TTF2: variants seen among roughly 807,000 people sequenced by gnomAD.
The protein encoded by TTF2 is transcription termination factor 2, also known as RNA polymerase II termination factor.
A neutral mutation model predicts 142.4 loss-of-function variants in TTF2; 108 were observed. That is an observed-to-expected ratio of 0.76 (90% CI 0.65 to 0.89). The LOEUF is 0.89. TTF2 is among the 40% of genes least tolerant of loss of function. The pLI is 0.00. For missense variants in TTF2, 1,327 were observed against 1,379.8 expected (o/e 0.96, Z 0.61); for synonymous variants, 483 against 506.2 (o/e 0.95, Z 0.61).
At position 117,090,074 on chromosome 1, in the gene TTF2, T is replaced by G. The variant is rs1648432575; in HGVS notation, c.2362T>G (p.Phe788Val). The G allele has an allele frequency of 6.2e-7, 1 of 1,613,742 alleles. No individual in the cohort carries two copies. Among genetic ancestry groups the G allele is most frequent in the Admixed American group, 1.7e-5 (1 of 59,988 alleles). The change falls in exon 14 of 23, where the codon TTT becomes GTT. Residue 788 changes from phenylalanine to valine, a missense_variant. Transcript: ENST00000369466. The surrounding 1 kb of genome is among the most constrained non-coding windows in gnomAD (Gnocchi z 4.8). ...SLLKFLRCSP[F>V]DEFNLWRSQV... The stretch of plus-strand genomic sequence containing the variant: ...AAAAAGGTTTCTCCGTTGCTCTCCA[T>G]TTGATGAGTTCAATCTGTGGAGGAG...
chr1:117,079,635 AAGGAGGAATT>A lies in TTF2; in HGVS notation c.1770_1779del (p.Gln590HisfsTer8). On this transcript the variant is annotated frameshift_variant, in exon 9 of 23. Coordinates refer to ENST00000369466, the MANE Select transcript of TTF2 (RefSeq NM_003594.4). LOFTEE classifies it high-confidence loss of function. This position sits in a 1 kb window ranked among gnomAD's most constrained non-coding sequence, Gnocchi z 4.2. ...CTATGGCGAGAAAGTCAGAAGCCAC[AAGGAGGAATT>A]CTGGGTAAGTGTGGTATTATAAGAG... 2 of 1,614,248 alleles carry A rather than the reference AAGGAGGAATT, an allele frequency of 1.2e-6. No homozygotes were observed. Among genetic ancestry groups the A allele is most frequent in the Non-Finnish European group, 1.7e-6 (2 of 1,180,028 alleles).
Position 117,076,561 on chromosome 1 carries a change from CTT to C in TTF2, c.1391-79_1391-78del. On this transcript the variant is annotated intron_variant, in intron 6 of 22. Coordinates refer to ENST00000369466, the MANE Select transcript of TTF2 (RefSeq NM_003594.4). This position sits in a 1 kb window ranked among gnomAD's most constrained non-coding sequence, Gnocchi z 4.6. The stretch of plus-strand genomic sequence containing the variant: ...ATCGGAATGGTGATGATCCCTCTCT[CTT>C]GACCTCACCTCCACACATATGGTCC... 7.0e-7 allele frequency: 1 copy of C among 1,427,472 alleles called. No homozygotes were observed. Among genetic ancestry groups the C allele is most frequent in the Non-Finnish European group, 9.5e-7 (1 of 1,049,652 alleles). The allele number at this position is 1,427,472 out of a possible 1,614,324, so 88.4% of individuals were successfully genotyped here. A position where few individuals can be genotyped will look rare whatever the true frequency, so the allele number is the denominator to read the frequency against.
rs1331037166 is a variant in TTF2 at position 117,075,607 on chromosome 1, G to T, written c.1023G>T (p.Leu341=). The T allele has an allele frequency of 6.2e-7, 1 of 1,614,198 alleles. No homozygotes were observed. The highest frequency in any genetic ancestry group is 2.2e-5 in the East Asian group (1 of 44,874). Residue 341 remains leucine, a synonymous_variant, in exon 5 of 23, where the codon CTG becomes CTT. Coordinates refer to ENST00000369466, the MANE Select transcript of TTF2 (RefSeq NM_003594.4). This position sits in a 1 kb window ranked among gnomAD's most constrained non-coding sequence, Gnocchi z 4.5. ...CACCAGCAGCACCAGGGCTTTCCCT[G>T]GGTGAGGGCCGTGAAGCTGCCACAA... ...QAAPAAPGLS[L]GEGREAATSS... is the part of the protein sequence containing the mutation.
intron 9 of TTF2, among the ~76,000 whole-genome samples, chr1:117,081,075 T>TA (rs1647465222): frequency 6.6e-6 from 1 of 152,248 alleles, no homozygotes. Flanking sequence ...GAGCAACTCT[T>TA]ACCTTACATC....
chr1:117,098,608 T>C (rs1557833634), intron 21 of TTF2: 1 of 450,798 alleles, frequency 2.2e-6, no homozygotes. Context: ...AGGACAGGGA[T>C]CGACAGATTT....
rs142512730 is a variant in TTF2, at chr1:117,075,613, G to C, written c.1029G>C (p.Glu343Asp). 1.5e-4 allele frequency: 248 copies of C among 1,614,166 alleles called. No individual in the cohort carries two copies. The African/African-American group carries it at 2.7e-3, about 18-fold the overall frequency. ...APAAPGLSLGEGREAATSSDD... is the reference protein window; with the variant it reads ...APAAPGLSLGDGREAATSSDD... ...CAGCACCAGGGCTTTCCCTGGGTGAGGGCCGTGAAGCTGCCACAAGCAGTG... is the reference window on the plus strand; with the variant it reads ...CAGCACCAGGGCTTTCCCTGGGTGACGGCCGTGAAGCTGCCACAAGCAGTG... Residue 343 changes from glutamate to aspartate, a missense_variant, in exon 5 of 23, where the codon GAG becomes GAC. Coordinates refer to ENST00000369466, the MANE Select transcript of TTF2 (RefSeq NM_003594.4). This position sits in a 1 kb window ranked among gnomAD's most constrained non-coding sequence, Gnocchi z 4.5.
At position 117,088,933 on chromosome 1, in the gene TTF2, A is replaced by G; in HGVS notation, c.2293A>G (p.Thr765Ala). 1 of 1,613,622 alleles carries G rather than the reference A, an allele frequency of 6.2e-7. No homozygotes were observed. Among genetic ancestry groups the G allele is most frequent in the South Asian group, 1.1e-5 (1 of 90,932 alleles). ...ACAAGCCTGTGCCCGTTGGGCTGTCACTGGAACCCCCATTCAAAACAACTT... is the reference window on the plus strand; with the variant it reads ...ACAAGCCTGTGCCCGTTGGGCTGTCGCTGGAACCCCCATTCAAAACAACTT... Reference protein sequence around the residue: ...KLQACARWAVTGTPIQNNLLD... With the variant: ...KLQACARWAVAGTPIQNNLLD... Residue 765 changes from threonine (T) to alanine (A), a missense_variant, in exon 13 of 23, where the codon ACT (threonine) becomes GCT (alanine). Physicochemically the swap from Thr to Ala is moderately conservative, Grantham distance 58. Transcript: ENST00000369466.
chr1:117,098,565 C>A, intron 21 of TTF2: 1 of 301,688 alleles, frequency 3.3e-6, no homozygotes, highest in Non-Finnish European at 6.2e-6. Flanking sequence ...AAGAAGGTAT[C>A]TGGCACCAGC....
chr1:117,097,405 A>C lies in TTF2; in HGVS notation c.3241A>C (p.Asn1081His), dbSNP rs1167993775. The stretch of plus-strand genomic sequence containing the variant: ...TGTTGGTCTAAACCTGACTGGAGGA[A>C]ATCACCTCTTTCTTTTGGACATGCA... ...GGVGLNLTGG[N>H]HLFLLDMHWN... The change falls in exon 21 of 23, where the codon AAT becomes CAT. Residue 1081 changes from asparagine (N) to histidine (H), a missense_variant. Coordinates refer to ENST00000369466, the MANE Select transcript of TTF2 (RefSeq NM_003594.4). The surrounding 1 kb of genome is among the most constrained non-coding windows in gnomAD (Gnocchi z 4.1). The C allele has an allele frequency of 1.2e-6, 2 of 1,614,124 alleles. No homozygotes were observed. Among genetic ancestry groups the C allele is most frequent in the South Asian group, 2.2e-5 (2 of 91,086 alleles).
chr1:117,097,556 T>C lies in TTF2; in HGVS notation c.3269+123T>C. ...GTTCGTATTGCAGAGATGCCTTGCT[T>C]TGTATGTGTCTATAGATACAGATCT... On this transcript the variant is annotated intron_variant, in intron 21 of 22. Transcript: ENST00000369466. The surrounding 1 kb of genome is among the most constrained non-coding windows in gnomAD (Gnocchi z 4.1). The C allele has an allele frequency of 1.1e-6, 1 of 900,366 alleles. No homozygotes were observed. Among genetic ancestry groups the C allele is most frequent in the South Asian group, 1.4e-5 (1 of 70,262 alleles). 55.8% of individuals were successfully genotyped at this position (900,366 alleles called of 1,614,324 possible). A position where few individuals can be genotyped will look rare whatever the true frequency, so the allele number is the denominator to read the frequency against.
chr1:117,090,564 C>G lies in TTF2; in HGVS notation c.2529C>G (p.His843Gln). ...VILPQRKFQL[H>Q]HLKLSEDEET... The stretch of plus-strand genomic sequence containing the variant: ...TGCCCCAGCGTAAATTTCAGTTGCA[C>G]CATTTAAAGCTTTCTGAAGATGAAG... The change falls in exon 15 of 23, where the codon CAC becomes CAG. Residue 843 changes from histidine to glutamine, a missense_variant. By Grantham distance (24) the His-to-Gln change is conservative. Transcript: ENST00000369466. This position sits in a 1 kb window ranked among gnomAD's most constrained non-coding sequence, Gnocchi z 4.8. The G allele has an allele frequency of 6.2e-7, 1 of 1,613,906 alleles. No homozygotes were observed. Among genetic ancestry groups the G allele is most frequent in the Non-Finnish European group, 8.5e-7 (1 of 1,179,976 alleles).
rs1288424725 is a variant in TTF2 at position 117,099,949 on chromosome 1, TAA to T, written c.3344+1043_3344+1044del. On this transcript the variant is annotated intron_variant, in intron 22 of 22. Coordinates refer to ENST00000369466, the MANE Select transcript of TTF2 (RefSeq NM_003594.4). The surrounding 1 kb of genome is among the most constrained non-coding windows in gnomAD (Gnocchi z 4.3). ...CCTTCACAAATTCTGTGCACTCCAG[TAA>T]GTCCAAAATTTGTATCTTTAGTTCC... 6.6e-6 allele frequency among the ~76,000 whole-genome samples: 1 copy of T among 152,258 alleles called. No homozygotes were observed. Among genetic ancestry groups the T allele is most frequent in the Non-Finnish European group, 1.5e-5 (1 of 68,042 alleles).
intron 3 of TTF2, among the ~76,000 whole-genome samples, chr1:117,064,850 T>C (rs1557798973): frequency 1.3e-5 from 2 of 150,140 alleles, no homozygotes; most frequent in Admixed American, 6.6e-5. Flanking sequence ...TTTTTTTTTT[T>C]AGTAGCTTTT....
At position 117,091,333 on chromosome 1, in the gene TTF2, C is replaced by T; in HGVS notation, c.2594C>T (p.Ala865Val). The change falls in exon 16 of 23, where the codon GCT becomes GTT. Residue 865 changes from alanine (A) to valine (V), a missense_variant. Coordinates refer to ENST00000369466, the MANE Select transcript of TTF2 (RefSeq NM_003594.4). Reference sequence around the variant, plus strand: ...TTCTTTTTAATCTGAGGCAGGTCAGCTCTGCAATCCTATCTAAAAAGACAT... The same window carrying T: ...TTCTTTTTAATCTGAGGCAGGTCAGTTCTGCAATCCTATCTAAAAAGACAT... The part of the protein sequence containing the change: ...YNVFFARSRS[A>V]LQSYLKRHES... 1.2e-6 allele frequency: 2 copies of T among 1,610,856 alleles called. No homozygotes were observed. Among genetic ancestry groups the T allele is most frequent in the Non-Finnish European group, 1.7e-6 (2 of 1,179,364 alleles).
intron 3 of TTF2, among the ~76,000 whole-genome samples, chr1:117,066,434 A>G (rs1284930460): frequency 6.6e-6 from 1 of 152,176 alleles, no homozygotes; most frequent in Non-Finnish European, 1.5e-5. Context: ...TAGGGCATAT[A>G]AACGTGTTCC....
chr1:117,097,298 A>T lies in TTF2; in HGVS notation c.3187-53A>T. On this transcript the variant is annotated intron_variant, in intron 20 of 22. Coordinates refer to ENST00000369466, the MANE Select transcript of TTF2 (RefSeq NM_003594.4). The surrounding 1 kb of genome is among the most constrained non-coding windows in gnomAD (Gnocchi z 4.1). ...TTGTGGACTTAAACCTGAGACCGAG[A>T]TGTGTTACGAGACCAAGTCTGTTTA... 1 of 1,505,176 alleles carries T rather than the reference A, an allele frequency of 6.6e-7. No homozygotes were observed. The highest frequency in any genetic ancestry group is 9.3e-7 in the Non-Finnish European group (1 of 1,080,900). The allele number at this position is 1,505,176 out of a possible 1,614,324, so 93.2% of individuals were successfully genotyped here. A position where few individuals can be genotyped will look rare whatever the true frequency, so the allele number is the denominator to read the frequency against.
rs1404427635 is a variant in TTF2, at chr1:117,097,309, G to C, written c.3187-42G>C. ...AACCTGAGACCGAGATGTGTTACGAGACCAAGTCTGTTTAAAGTTAATGTT... is the reference window on the plus strand; with the variant it reads ...AACCTGAGACCGAGATGTGTTACGACACCAAGTCTGTTTAAAGTTAATGTT... On this transcript the variant is annotated intron_variant, in intron 20 of 22. Coordinates refer to ENST00000369466, the MANE Select transcript of TTF2 (RefSeq NM_003594.4). This position sits in a 1 kb window ranked among gnomAD's most constrained non-coding sequence, Gnocchi z 4.1. 3 of 1,583,828 alleles carry C rather than the reference G, an allele frequency of 1.9e-6. No individual in the cohort carries two copies. Among genetic ancestry groups the C allele is most frequent in the South Asian group, 2.2e-5 (2 of 90,428 alleles).
chr1:117,076,523 C>G lies in TTF2; in HGVS notation c.1391-118C>G. On this transcript the variant is annotated intron_variant, in intron 6 of 22. Transcript: ENST00000369466. The surrounding 1 kb of genome is among the most constrained non-coding windows in gnomAD (Gnocchi z 4.6). ...AGCAACTGTTAAAATGCTACCTTCT[C>G]TAGGAATCCTTCATCGGAATGGTGA... The G allele has an allele frequency of 1.7e-6, 2 of 1,201,498 alleles. No individual in the cohort carries two copies. Among genetic ancestry groups the G allele is most frequent in the Middle Eastern group, 2.0e-4 (1 of 5,012 alleles). The allele number at this position is 1,201,498 out of a possible 1,614,324, so 74.4% of individuals were successfully genotyped here.
At position 117,087,079 on chromosome 1, in the gene TTF2, A is replaced by G. The variant is rs543239098; in HGVS notation, c.2160+557A>G. Among the ~76,000 whole-genome samples the G allele has an allele frequency of 7.2e-5, 11 of 152,286 alleles. No homozygotes were observed. In the East Asian group the frequency reaches 2.1e-3, roughly 29 times the overall value. ...GCTTTATCATGTAATTATACTCTGA[A>G]AATACAGTATTATCCCAAGAACTCA... On this transcript the variant is annotated intron_variant, in intron 12 of 22. Transcript: ENST00000369466. The surrounding 1 kb of genome is among the most constrained non-coding windows in gnomAD (Gnocchi z 4.8).
Sources: allele counts gnomAD v4.1 joint callset (sites outside exome capture counted in the v4.1 genomes callset), GRCh38; gene constraint gnomAD v4.1.1; non-coding constraint Gnocchi (gnomAD v3.1); transcripts MANE v1.5; gene names NCBI Gene and HGNC (gene_info 2026-07-23, HGNC 2026-07-21).